The following VAV3 variants were observed in gnomAD, a reference collection of about 807,000 sequenced individuals.
VAV3 encodes the protein guanine nucleotide exchange factor VAV3.
In VAV3, 94 loss-of-function variants were observed where a neutral mutation model predicts 131.2. That is an observed-to-expected ratio of 0.72 (90% CI 0.61 to 0.85). The LOEUF (loss-of-function observed/expected upper bound fraction) is 0.85. VAV3 is among the 40% of genes least tolerant of loss of function. The pLI, the probability that VAV3 is intolerant of heterozygous loss-of-function variation, is 0.00. For synonymous variants in VAV3, 349 were observed against 342.0 expected (o/e 1.02, Z -0.22); for missense variants, 939 against 1,002.7 (o/e 0.94, Z 0.86).
intron 15 of VAV3, among the ~76,000 whole-genome samples, chr1:107,725,511 A>G (rs1661786499): frequency 1.3e-5 from 2 of 151,984 alleles, no homozygotes; most frequent in African/African-American, 2.4e-5. Context: ...TGCTAGGCAA[A>G]TTCATCATTA....
intron 1 of VAV3, among the ~76,000 whole-genome samples, chr1:107,932,420 AAC>A (rs869116602): frequency 6.7e-6 from 1 of 149,708 alleles, no homozygotes; most frequent in Non-Finnish European, 1.5e-5. Context: ...ACTATGCAGA[AAC>A]ATGTGAGACT....
chr1:107,689,439 G>T (rs1401971226), intron 17 of VAV3, among the ~76,000 whole-genome samples: 1 of 152,148 alleles, frequency 6.6e-6, no homozygotes, highest in Non-Finnish European at 1.5e-5. Context: ...AGCTGCCACA[G>T]ATTGCTTTAC....
chr1:107,629,861 T>C (rs1428909731), intron 20 of VAV3, among the ~76,000 whole-genome samples: 1 of 152,184 alleles, frequency 6.6e-6, no homozygotes, highest in African/African-American at 2.4e-5. Context: ...TAGAGGATAA[T>C]TTGTATTCTC....
At chr1:107,939,181 C>T (rs546784721) in intron 1 of VAV3, among the ~76,000 whole-genome samples, 9 of 152,096 alleles carry the variant, frequency 5.9e-5, no homozygotes, top group Middle Eastern at 3.4e-3. Context: ...AAGATAACAG[C>T]GCCAATTTTA....
At chr1:107,588,804 TAAGAGTGTC>T (rs1650710607) in intron 25 of VAV3, among the ~76,000 whole-genome samples, 1 of 152,210 alleles carries the variant, frequency 6.6e-6, no homozygotes, top group South Asian at 2.1e-4. Flanking sequence ...GTTTGAAAAG[TAAGAGTGTC>T]CTGTTAATCA....
At chr1:107,930,196 C>T (rs1009556468) in intron 1 of VAV3, among the ~76,000 whole-genome samples, 1 of 152,074 alleles carries the variant, frequency 6.6e-6, no homozygotes, top group Non-Finnish European at 1.5e-5. Context: ...TTGTTTGTAA[C>T]ACAAAGCTTA....
chr1:107,763,347 CA>C (rs1210291454), intron 9 of VAV3, among the ~76,000 whole-genome samples: 1 of 152,066 alleles, frequency 6.6e-6, no homozygotes, highest in Non-Finnish European at 1.5e-5. Context: ...GGTCATTGGG[CA>C]AAACTTTGAC....
At chr1:107,718,836 ATGGTAC>A (rs1661297921) in intron 15 of VAV3, among the ~76,000 whole-genome samples, 1 of 152,226 alleles carries the variant, frequency 6.6e-6, no homozygotes, top group Non-Finnish European at 1.5e-5. Flanking sequence ...CCAAAACAGC[ATGGTAC>A]TGGTACCAAA....
At chr1:107,892,650 T>C (rs145630045) in intron 1 of VAV3, among the ~76,000 whole-genome samples, 399 of 152,214 alleles carry the variant, frequency 2.6e-3, no homozygotes, top group Non-Finnish European at 4.3e-3. Context: ...TCTCTATCTA[T>C]ATATAAAGAC....
intron 7 of VAV3, among the ~76,000 whole-genome samples, chr1:107,767,932 G>A (rs1227102865): frequency 6.6e-6 from 1 of 152,188 alleles, no homozygotes; most frequent in Non-Finnish European, 1.5e-5. Flanking sequence ...AATTAAAATA[G>A]TCTGGTAAAT....
At chr1:107,759,327 A>G (rs1664289124) in intron 10 of VAV3, among the ~76,000 whole-genome samples, 1 of 152,226 alleles carries the variant, frequency 6.6e-6, no homozygotes, top group Non-Finnish European at 1.5e-5. Context: ...TTTATTCCTT[A>G]AAAGTTACTT....
chr1:107,900,155 T>A (rs996967227), intron 1 of VAV3, among the ~76,000 whole-genome samples: 9 of 152,150 alleles, frequency 5.9e-5, no homozygotes, highest in Non-Finnish European at 1.2e-4. Flanking sequence ...TTTGAAACAG[T>A]TACACATGGA....
chr1:107,900,603 C>T (rs1219019674), intron 1 of VAV3, among the ~76,000 whole-genome samples: 1 of 152,140 alleles, frequency 6.6e-6, no homozygotes, highest in Non-Finnish European at 1.5e-5. Context: ...AAGTGCAGTC[C>T]ATTTACAGAG....
At chr1:107,738,318 C>T (rs1033163241) in intron 15 of VAV3, among the ~76,000 whole-genome samples, 13 of 151,982 alleles carry the variant, frequency 8.6e-5, no homozygotes, top group Admixed American at 6.6e-4. Flanking sequence ...CAAACCTGCA[C>T]GTTGTGCACA....
chr1:107,727,789 C>T (rs114607222), intron 15 of VAV3, among the ~76,000 whole-genome samples: 1,673 of 152,222 alleles, frequency 0.011, 22 homozygotes, highest in Admixed American at 0.029. Flanking sequence ...CAATCCCTTA[C>T]ACTGAAATTT....
intron 2 of VAV3, among the ~76,000 whole-genome samples, chr1:107,786,900 GTTA>G (rs1666040221): frequency 1.3e-5 from 2 of 152,086 alleles, no homozygotes; most frequent in African/African-American, 2.4e-5. Context: ...TTATTCAGTG[GTTA>G]TTATTTTGTT....
At chr1:107,761,161 G>C (rs1270042277) in intron 9 of VAV3, among the ~76,000 whole-genome samples, 6 of 152,036 alleles carry the variant, frequency 3.9e-5, no homozygotes, top group African/African-American at 1.4e-4. Flanking sequence ...AGGCCGAGGC[G>C]GGCAGATCAC....
At chr1:107,581,233 C>T (rs576364227) in intron 25 of VAV3, among the ~76,000 whole-genome samples, 1 of 152,318 alleles carries the variant, frequency 6.6e-6, no homozygotes, top group South Asian at 2.1e-4. Flanking sequence ...TTTACAAACA[C>T]TTTCAACTCC....
Position 107,642,681 on chromosome 1 carries a change from G to C in VAV3, c.1852C>G (p.Gln618Glu), listed in dbSNP as rs751209838. 5 of 1,613,336 alleles carry C rather than the reference G, an allele frequency of 3.1e-6. No homozygotes were observed. The African/African-American group carries it at 5.3e-5, about 17-fold the overall frequency. Residue 618 changes from glutamine (Q) to glutamate (E), a missense_variant, in exon 20 of 27, where the codon CAG becomes GAG. Physicochemically the swap from Gln to Glu is conservative, Grantham distance 29. Coordinates refer to ENST00000370056, the MANE Select transcript of VAV3 (RefSeq NM_006113.5). Reference protein sequence around the residue: ...PPALHEGPPLQLQAGDTVELL... With the variant: ...PPALHEGPPLELQAGDTVELL... ...TCAACGGTATCCCCGGCCTGGAGCT[G>C]TAAAGGGGGTCCTTCATGCAGAGCT...
Sources: gnomAD v4.1 joint callset for allele counts (sites outside exome capture counted in the v4.1 genomes callset) on GRCh38, gnomAD v4.1.1 for gene constraint, MANE v1.5 for transcripts, NCBI Gene and HGNC (gene_info 2026-07-23, HGNC 2026-07-21) for gene names.